MTMR12: variants seen among roughly 807,000 people sequenced by gnomAD.
MTMR12 encodes the protein myotubularin related protein 12.
Under a neutral mutation model 96.7 loss-of-function variants are expected in MTMR12, and 33 were observed. That is an observed-to-expected ratio of 0.34 (90% CI 0.26 to 0.46). The LOEUF is 0.46. Ranked by LOEUF, MTMR12 falls within the 20% of genes least tolerant of loss-of-function variation. The probability of loss-of-function intolerance (pLI) is 1.00; values close to 1 mark genes in which losing one functional copy is unlikely to be tolerated. For synonymous variants in MTMR12, 298 were observed against 327.2 expected (o/e 0.91, Z 0.96); for missense variants, 721 against 896.1 (o/e 0.80, Z 2.49).
chr5:32,230,812 G>C (rs766121879), intron 15 of MTMR12, among the ~76,000 whole-genome samples: 7 of 152,244 alleles, frequency 4.6e-5, no homozygotes, highest in South Asian at 2.1e-4. Context: ...CTGAACAACT[G>C]CAAGGAGGCA....
Position 32,234,998 on chromosome 5 carries a change from G to A in MTMR12, c.1476C>T (p.Phe492=), listed in dbSNP as rs772189502. ...DSLYIPIFST[F]FFNSPHQKDT... Reference sequence around the variant, plus strand: ...CTTTTTGATGAGGTGAATTGAAGAAGAAGGTGCTAAAAATAGGTATATACA... The same window carrying A: ...CTTTTTGATGAGGTGAATTGAAGAAAAAGGTGCTAAAAATAGGTATATACA... The change falls in exon 14 of 16, where the codon TTC becomes TTT. Residue 492 remains phenylalanine, a synonymous_variant. Transcript: ENST00000382142. The A allele has an allele frequency of 1.9e-6, 3 of 1,613,782 alleles. No homozygotes were observed. The highest frequency in any genetic ancestry group is 3.3e-5 in the Admixed American group (2 of 60,008).
At chr5:32,273,655 G>A (rs1475169384) in intron 3 of MTMR12, among the ~76,000 whole-genome samples, 3 of 152,284 alleles carry the variant, frequency 2.0e-5, no homozygotes, top group African/African-American at 2.4e-5. Context: ...GTCCTGCCAC[G>A]GAAAGGAGAC....
intron 12 of MTMR12, among the ~76,000 whole-genome samples, 188 bp from the exon 13 acceptor site, chr5:32,239,361 G>A (rs1207668410): frequency 6.6e-6 from 1 of 152,210 alleles, no homozygotes; most frequent in East Asian, 1.9e-4. Flanking sequence ...ACTGAGACAT[G>A]AACTGCTCTA....
chr5:32,284,461 T>G (rs1239581964), intron 1 of MTMR12, among the ~76,000 whole-genome samples: 1 of 152,172 alleles, frequency 6.6e-6, no homozygotes, highest in Non-Finnish European at 1.5e-5. Flanking sequence ...GAAAGACTAT[T>G]ACTTGTGAAG....
Position 32,228,555 on chromosome 5 carries a change from TGA to T in MTMR12, c.*1221_*1222del, listed in dbSNP as rs1747833385. On this transcript the variant is annotated 3_prime_UTR_variant, in exon 16 of 16. Transcript: ENST00000382142. ...ATATGATATATATATCATATATATG[TGA>T]TATATATATATCATATATATATCAT... 1 of 131,790 alleles carries T rather than the reference TGA, an allele frequency of 7.6e-6. No individual in the cohort carries two copies. The highest frequency in any genetic ancestry group is 2.9e-5 in the African/African-American group (1 of 34,314). The allele number at this position is 131,790 out of a possible 1,614,324, so 8.2% of individuals were successfully genotyped here. A position where few individuals can be genotyped will look rare whatever the true frequency, so the allele number is the denominator to read the frequency against.
chr5:32,294,566 G>A (rs1750856383), intron 1 of MTMR12, among the ~76,000 whole-genome samples: 1 of 152,036 alleles, frequency 6.6e-6, no homozygotes, highest in South Asian at 2.1e-4. Flanking sequence ...CTCCCAAAGT[G>A]CTGAGATTAC....
intron 6 of MTMR12, among the ~76,000 whole-genome samples, chr5:32,267,913 A>G (rs2112074138): frequency 6.6e-6 from 1 of 151,972 alleles, no homozygotes; most frequent in South Asian, 2.1e-4. Flanking sequence ...GGCTCACTGC[A>G]ACCTCCATCT....
chr5:32,230,233 T>C lies in MTMR12; in HGVS notation c.1789A>G (p.Lys597Glu). 5.6e-6 allele frequency: 9 copies of C among 1,614,242 alleles called. No homozygotes were observed. Among genetic ancestry groups the C allele is most frequent in the Non-Finnish European group, 7.6e-6 (9 of 1,180,030 alleles). Residue 597 changes from lysine to glutamate, a missense_variant, in exon 16 of 16, where the codon AAA (lysine) becomes GAA (glutamate). Transcript: ENST00000382142. ...AGCTCATCAGAAGAATTAATAAGTT[T>C]GCTAATTCTCTTGCCCAGAAGGTTT... ...IKNLLGKRISKLINSSDELQD... is the reference protein window; with the variant it reads ...IKNLLGKRISELINSSDELQD...
intron 1 of MTMR12, among the ~76,000 whole-genome samples, chr5:32,279,532 AAG>A (rs1750202069): frequency 1.3e-5 from 2 of 152,328 alleles, no homozygotes; most frequent in Middle Eastern, 3.4e-3. Flanking sequence ...CCCATTGCAA[AAG>A]AGAAAATCAA....
intron 5 of MTMR12, among the ~76,000 whole-genome samples, chr5:32,269,078 G>A (rs1473905146): frequency 6.6e-6 from 1 of 151,648 alleles, no homozygotes; most frequent in African/African-American, 2.4e-5. Context: ...CCAGGCTGCA[G>A]TGCAGTGGCA....
chr5:32,251,746 A>C (rs964080441), intron 8 of MTMR12, among the ~76,000 whole-genome samples: 1 of 152,312 alleles, frequency 6.6e-6, no homozygotes, highest in Non-Finnish European at 1.5e-5. Flanking sequence ...AGAAGAGGGA[A>C]GGCCCATGGA....
intron 1 of MTMR12, among the ~76,000 whole-genome samples, chr5:32,290,886 T>C (rs960744739): frequency 2.2e-4 from 34 of 152,206 alleles, no homozygotes; most frequent in African/African-American, 8.2e-4. Flanking sequence ...TGGGCTTTGG[T>C]AGAAACTGAA....
At chr5:32,270,598 T>C (rs1749792782) in intron 5 of MTMR12, among the ~76,000 whole-genome samples, 1 of 152,236 alleles carries the variant, frequency 6.6e-6, no homozygotes, top group Admixed American at 6.5e-5. Context: ...AAAAACATTA[T>C]GAATTGAAGT....
intron 4 of MTMR12, 52 bp from the exon 5 acceptor site, chr5:32,270,999 G>A (rs1195183710): frequency 1.1e-5 from 17 of 1,550,884 alleles, no homozygotes; most frequent in Non-Finnish European, 1.4e-5. Context: ...ACAGCAATAA[G>A]TGAATGCTAA....
intron 1 of MTMR12, among the ~76,000 whole-genome samples, chr5:32,310,620 CA>C (rs112582468): frequency 0.033 from 4,994 of 152,098 alleles, 276 homozygotes; most frequent in African/African-American, 0.11. Flanking sequence ...CTCATGGAGA[CA>C]GAATGATGGT....
intron 6 of MTMR12, among the ~76,000 whole-genome samples, 189 bp from the exon 7 acceptor site, chr5:32,263,431 T>G (rs529823863): frequency 2.0e-5 from 3 of 150,542 alleles, no homozygotes; most frequent in African/African-American, 7.3e-5. Flanking sequence ...TGACTGAGTC[T>G]CTTTTTTTTT....
intron 1 of MTMR12, among the ~76,000 whole-genome samples, chr5:32,300,419 A>G (rs1751093279): frequency 6.6e-6 from 1 of 152,064 alleles, no homozygotes; most frequent in African/African-American, 2.4e-5. Context: ...AACTTTGCAA[A>G]ATCAAAGTCT....
chr5:32,299,021 G>A (rs1448309967), intron 1 of MTMR12, among the ~76,000 whole-genome samples: 1 of 150,900 alleles, frequency 6.6e-6, no homozygotes, highest in African/African-American at 2.4e-5. Context: ...ATCAGGACCT[G>A]CACTGGTGGC....
chr5:32,292,478 C>G (rs1046858128), intron 1 of MTMR12, among the ~76,000 whole-genome samples: 1 of 152,174 alleles, frequency 6.6e-6, no homozygotes, highest in East Asian at 1.9e-4. Flanking sequence ...GATTGCTACC[C>G]GGACACTTTG....
Sources: gnomAD v4.1 joint callset for allele counts (sites outside exome capture counted in the v4.1 genomes callset) on GRCh38, gnomAD v4.1.1 for gene constraint, MANE v1.5 for transcripts, NCBI Gene and HGNC (gene_info 2026-07-23, HGNC 2026-07-21) for gene names.